FARP1: variants seen among roughly 807,000 people sequenced by gnomAD.
FARP1 encodes FERM, ARH/RhoGEF and pleckstrin domain protein 1.
Under a neutral mutation model 128.8 loss-of-function variants are expected in FARP1, and 52 were observed. That is an observed-to-expected ratio of 0.40 (90% CI 0.32 to 0.51). FARP1 has a LOEUF of 0.51. Among genes scored for constraint, FARP1 ranks in the 20% least tolerant of loss-of-function variants. The pLI is 0.45. For missense variants in FARP1, 1,333 were observed against 1,367.9 expected (o/e 0.97, Z 0.40); for synonymous variants, 580 against 551.8 (o/e 1.05, Z -0.72).
intron 17 of FARP1, chr13:98,425,338 A>T (rs545018023): frequency 1.3e-5 from 2 of 151,614 alleles, no homozygotes; most frequent in Non-Finnish European, 2.9e-5. Context: ...AAATTCTATG[A>T]CTTTAAATCA....
intron 2 of FARP1, among the ~76,000 whole-genome samples, chr13:98,260,968 C>T (rs1239670697): frequency 6.6e-6 from 1 of 152,160 alleles, no homozygotes. Flanking sequence ...GGGAGACTTG[C>T]AGGATCCTGG....
intron 13 of FARP1, chr13:98,406,807 T>C (rs1261902675): frequency 2.0e-5 from 3 of 152,384 alleles, no homozygotes; most frequent in Non-Finnish European, 2.9e-5. Context: ...TATGGAACCA[T>C]AGTCTGTTAC....
intron 2 of FARP1, among the ~76,000 whole-genome samples, chr13:98,227,064 C>T (rs1800746186): frequency 6.6e-6 from 1 of 152,100 alleles, no homozygotes; most frequent in Non-Finnish European, 1.5e-5. Flanking sequence ...CCTCAGCCTC[C>T]TGAGTAGCTG....
Position 98,176,417 on chromosome 13 carries a change from A to C in FARP1, c.-24+32925A>C. The C allele has an allele frequency of 6.2e-7, 1 of 1,614,164 alleles. No individual in the cohort carries two copies. Among genetic ancestry groups the C allele is most frequent in the East Asian group, 2.2e-5 (1 of 44,866 alleles). ...TCCAGCGCGCAGCTCTCGCAGAAATAATGCCTGCACTTGGTGACGACTGGG... is the reference window on the plus strand; with the variant it reads ...TCCAGCGCGCAGCTCTCGCAGAAATCATGCCTGCACTTGGTGACGACTGGG... On this transcript the variant is annotated intron_variant, in intron 1 of 26. Transcript: ENST00000319562. The surrounding 1 kb of genome is among the most constrained non-coding windows in gnomAD (Gnocchi z 6.2).
chr13:98,365,537 C>T, intron 4 of FARP1, 100 bp downstream of exon 4: 2 of 763,088 alleles, frequency 2.6e-6, no homozygotes, highest in South Asian at 4.1e-5. Flanking sequence ...ACTAGAAACA[C>T]AAATTCTTCT....
intron 24 of FARP1, among the ~76,000 whole-genome samples, chr13:98,442,096 G>C (rs1372437530): frequency 6.6e-6 from 1 of 152,238 alleles, no homozygotes; most frequent in African/African-American, 2.4e-5. Context: ...TGTTTTATGT[G>C]AATGCTCACG....
At chr13:98,263,395 T>C (rs887724214) in intron 2 of FARP1, among the ~76,000 whole-genome samples, 4 of 152,248 alleles carry the variant, frequency 2.6e-5, no homozygotes, top group Non-Finnish European at 5.9e-5. Context: ...GGAATAATTG[T>C]ATTCATAATG....
intron 2 of FARP1, among the ~76,000 whole-genome samples, chr13:98,321,289 C>G (rs1479854029): frequency 6.6e-6 from 1 of 152,168 alleles, no homozygotes; most frequent in Non-Finnish European, 1.5e-5. Context: ...TGGAGAAACT[C>G]AGCCGGATCA....
intron 1 of FARP1, among the ~76,000 whole-genome samples, chr13:98,165,004 C>T (rs563825451): frequency 5.3e-4 from 80 of 152,034 alleles, no homozygotes; most frequent in African/African-American, 1.8e-3. Flanking sequence ...CACTTGAGGT[C>T]GGGAGTTCAA....
At chr13:98,216,828 C>T (rs1374921697) in intron 2 of FARP1, among the ~76,000 whole-genome samples, 1 of 152,188 alleles carries the variant, frequency 6.6e-6, no homozygotes, top group Admixed American at 6.5e-5. Context: ...TTAGGTATTT[C>T]CTCTGCAGAG....
At chr13:98,239,818 C>A (rs1227457115) in intron 2 of FARP1, among the ~76,000 whole-genome samples, 1 of 152,036 alleles carries the variant, frequency 6.6e-6, no homozygotes, top group Non-Finnish European at 1.5e-5. Context: ...AAGCGGGGAG[C>A]CCCACCTGGA....
At chr13:98,163,592 AG>A (rs1057043414) in intron 1 of FARP1, among the ~76,000 whole-genome samples, 53 of 151,258 alleles carry the variant, frequency 3.5e-4, no homozygotes, top group Admixed American at 1.6e-3. Flanking sequence ...GCTGGAGTGC[AG>A]TGGCGTGATC....
At chr13:98,362,516 TC>T (rs1483107656) in intron 3 of FARP1, among the ~76,000 whole-genome samples, 1 of 152,148 alleles carries the variant, frequency 6.6e-6, no homozygotes, top group Non-Finnish European at 1.5e-5. Context: ...GTTCTCTCCT[TC>T]CTTTACTTCA....
At chr13:98,331,472 A>C (rs558387102) in intron 2 of FARP1, among the ~76,000 whole-genome samples, 5 of 152,274 alleles carry the variant, frequency 3.3e-5, no homozygotes, top group Middle Eastern at 3.4e-3. Context: ...GAAGATAGTG[A>C]AATATGAGGG....
At position 98,437,650 on chromosome 13, in the gene FARP1, G is replaced by C. The variant is rs563790983; in HGVS notation, c.2275-1154G>C. ...ATCAGCCAAGGCTCTGGTGATAGCT[G>C]GGCGCAGGAAGATGGTGAGTTATCT... On this transcript the variant is annotated intron_variant, in intron 19 of 26. Coordinates refer to ENST00000319562, the MANE Select transcript of FARP1 (RefSeq NM_005766.4). 3 of 626,566 alleles carry C rather than the reference G, an allele frequency of 4.8e-6. No individual in the cohort carries two copies. In the South Asian group the frequency reaches 6.0e-5, roughly 12 times the overall value. 38.8% of individuals were successfully genotyped at this position (626,566 alleles called of 1,614,324 possible). A position where few individuals can be genotyped will look rare whatever the true frequency, so the allele number is the denominator to read the frequency against.
At chr13:98,314,163 GTTATAAGTCACA>G (rs932596704) in intron 2 of FARP1, among the ~76,000 whole-genome samples, 2 of 151,714 alleles carry the variant, frequency 1.3e-5, no homozygotes, top group Admixed American at 1.3e-4. Flanking sequence ...TGGAGCCAGT[GTTATAAGTCACA>G]TTCTTCTTGG....
chr13:98,249,490 A>G (rs561340743), intron 2 of FARP1, among the ~76,000 whole-genome samples: 30 of 152,314 alleles, frequency 2.0e-4, no homozygotes, highest in African/African-American at 7.0e-4. Flanking sequence ...TGCTTGAGGA[A>G]TACATCATTA....
intron 5 of FARP1, among the ~76,000 whole-genome samples, chr13:98,376,919 T>G (rs1362736808): frequency 1.3e-5 from 2 of 152,216 alleles, no homozygotes; most frequent in African/African-American, 4.8e-5. Context: ...GCCTGTTTGC[T>G]GTTGCACAGT....
At chr13:98,218,111 T>G (rs1008181431) in intron 2 of FARP1, among the ~76,000 whole-genome samples, 2 of 152,076 alleles carry the variant, frequency 1.3e-5, no homozygotes, top group Admixed American at 1.3e-4. Flanking sequence ...CCTGTTCAGC[T>G]TGGCCCGGCC....
Sources: allele counts gnomAD v4.1 joint callset (sites outside exome capture counted in the v4.1 genomes callset), GRCh38; gene constraint gnomAD v4.1.1; non-coding constraint Gnocchi (gnomAD v3.1); transcripts MANE v1.5; gene names NCBI Gene and HGNC (gene_info 2026-07-23, HGNC 2026-07-21).